Variants in SPANXN4 observed in about 807,000 individuals in gnomAD.
SPANXN4 encodes SPANX family member N4.
In SPANXN4, 5 loss-of-function variants were observed where a neutral mutation model predicts 6.0. The ratio of observed to expected loss-of-function variants is 0.83; its 90% CI spans 0.44 to 1.75. The LOEUF is 1.75. Ranked by LOEUF, SPANXN4 falls within the 40% of genes most tolerant of loss-of-function variation. The probability of loss-of-function intolerance (pLI) is 0.02; values close to 1 mark genes in which losing one functional copy is unlikely to be tolerated. For missense variants in SPANXN4, 157 were observed against 108.6 expected, an observed-to-expected ratio of 1.45 and a Z score of -1.98; for synonymous variants, 45 against 38.0, an observed-to-expected ratio of 1.19 and a Z score of -0.68.
chrX:143,034,534 C>A, exon 3 of SPANXN4: 1 of 1,151,888 alleles, frequency 8.7e-7, no homozygotes, highest in East Asian at 3.3e-5. Flanking sequence ...ATTTGGTGTT[C>A]CTTGGAGCAC....
chrX:143,032,000 G>C (rs73560196), intron 1 of SPANXN4, among the ~76,000 whole-genome samples: 4,421 of 111,851 alleles, frequency 0.04, 237 homozygotes, highest in African/African-American at 0.14. Context: ...ATTGGTGTAA[G>C]TCCTGGGGAC....
chrX:143,031,813 C>T (rs983913090), intron 1 of SPANXN4, among the ~76,000 whole-genome samples: 10 of 111,363 alleles, frequency 9.0e-5, no homozygotes, highest in Non-Finnish European at 1.9e-4. Context: ...TTTTGGATGT[C>T]GGGGGCTGAC....
downstream of SPANXN4, among the ~76,000 whole-genome samples, chrX:143,037,065 C>T (rs183660211): frequency 9.0e-6 from 1 of 111,689 alleles, no homozygotes; most frequent in African/African-American, 3.2e-5. Flanking sequence ...ACCGAATAAA[C>T]ATTCCAAAAT....
exon 1 of SPANXN4, chrX:143,026,069 T>C (rs766930530): frequency 3.3e-6 from 4 of 1,205,722 alleles, no homozygotes; most frequent in African/African-American, 1.8e-5. Context: ...CCCCTGTGAA[T>C]CTAACAAAAG....
At chrX:143,027,073 T>A (rs1475718827) in intron 1 of SPANXN4, among the ~76,000 whole-genome samples, 3 of 111,484 alleles carry the variant, frequency 2.7e-5, no homozygotes, top group Non-Finnish European at 5.7e-5. Context: ...GAGATAAGAG[T>A]TTGTGCCACA....
chrX:143,033,786 G>T (rs1046025145), intron 1 of SPANXN4, among the ~76,000 whole-genome samples: 1 of 111,416 alleles, frequency 9.0e-6, no homozygotes, highest in East Asian at 2.9e-4. Context: ...CACTTTGACC[G>T]AGGTCTGCAT....
In SPANXN4 at chrX:143,034,574, T is replaced by C. The variant is rs767494987; in HGVS notation, c.349T>C (p.Ser117Pro). Reference sequence around the variant, plus strand: ...ATGTTTAGAAGAGCACATAAGAAGATCTGTATTGTATGTAGGTGACAGTGA... The same window carrying C: ...ATGTTTAGAAGAGCACATAAGAAGACCTGTATTGTATGTAGGTGACAGTGA... Residue 117 changes from serine to proline, a missense_variant, in exon 3 of 3, where the codon TCT becomes CCT. Coordinates refer to ENST00000370504, the Ensembl canonical transcript of SPANXN4. 1.0e-4 allele frequency: 120 copies of C among 1,162,104 alleles called. No individual in the cohort carries two copies. The African/African-American group carries it at 1.7e-3, about 16-fold the overall frequency.
downstream of SPANXN4, among the ~76,000 whole-genome samples, chrX:143,037,650 G>A (rs888260952): frequency 8.1e-5 from 9 of 111,216 alleles, no homozygotes; most frequent in East Asian, 2.8e-4. Flanking sequence ...TTCAAATCTC[G>A]TCTTGAATTA....
At chrX:143,032,390 C>T (rs1233363216) in intron 1 of SPANXN4, among the ~76,000 whole-genome samples, 3 of 108,217 alleles carry the variant, frequency 2.8e-5, no homozygotes, top group African/African-American at 6.8e-5. Context: ...TGGTGGAGAA[C>T]GAAGAGGGGA....
chrX:143,037,170 G>A (rs1481995725), downstream of SPANXN4, among the ~76,000 whole-genome samples: 2 of 110,375 alleles, frequency 1.8e-5, no homozygotes, highest in Non-Finnish European at 1.9e-5. Context: ...CTGATGAGGC[G>A]ATTATCATTT....
At chrX:143,034,751 C>G (rs1278369608), downstream of SPANXN4, 4 of 1,074,129 alleles carry the variant, frequency 3.7e-6, no homozygotes, top group South Asian at 1.1e-4. Flanking sequence ...CAGCATGCCA[C>G]ACACAATAAA....
At chrX:143,027,299 T>G (rs1932784074) in intron 1 of SPANXN4, among the ~76,000 whole-genome samples, 1 of 111,536 alleles carries the variant, frequency 9.0e-6, no homozygotes, top group Non-Finnish European at 1.9e-5. Context: ...GAGAGAGAGA[T>G]AAATGGGTTT....
intron 1 of SPANXN4, among the ~76,000 whole-genome samples, chrX:143,029,043 G>C (rs759313955): frequency 9.0e-6 from 1 of 111,339 alleles, no homozygotes; most frequent in Non-Finnish European, 1.9e-5. Context: ...CGGGCAAGTG[G>C]GGTTTGTTCC....
downstream of SPANXN4, among the ~76,000 whole-genome samples, chrX:143,038,554 A>G (rs1267741878): frequency 1.8e-5 from 2 of 111,407 alleles, no homozygotes; most frequent in East Asian, 5.7e-4. Context: ...ATTCTCAAAC[A>G]TATTTTGCTT....
chrX:143,036,395 T>G (rs1932843982), downstream of SPANXN4, among the ~76,000 whole-genome samples: 1 of 111,382 alleles, frequency 9.0e-6, no homozygotes, highest in African/African-American at 3.3e-5. Flanking sequence ...CTCTTTTCCT[T>G]TAGTTCACCA....
At chrX:143,029,931 C>T (rs1347709754) in intron 1 of SPANXN4, among the ~76,000 whole-genome samples, 20 of 111,349 alleles carry the variant, frequency 1.8e-4, no homozygotes, top group Middle Eastern at 8.4e-3. Context: ...GCTTCTGGGG[C>T]GTCGCCGTAT....
At chrX:143,033,983 C>T in intron 1 of SPANXN4, 42 bp from the exon 2 acceptor site, 1 of 1,112,231 alleles carries the variant, frequency 9.0e-7, no homozygotes. Context: ...CCCTCTTCAT[C>T]CAAAATAACA....
chrX:143,036,229 G>A (rs768318605), downstream of SPANXN4, among the ~76,000 whole-genome samples: 29 of 110,193 alleles, frequency 2.6e-4, no homozygotes, highest in Non-Finnish European at 4.5e-4. Context: ...CAATTTCTCT[G>A]CCAAAATCTG....
intron 1 of SPANXN4, among the ~76,000 whole-genome samples, chrX:143,028,279 C>A (rs1279955024): frequency 9.1e-6 from 1 of 110,038 alleles, no homozygotes; most frequent in Non-Finnish European, 1.9e-5. Context: ...CGATTCAGAC[C>A]CAGTCCCCTG....
Sources: allele counts gnomAD v4.1 joint callset (sites outside exome capture counted in the v4.1 genomes callset), GRCh38; gene constraint gnomAD v4.1.1; transcripts MANE v1.5; gene names NCBI Gene and HGNC (gene_info 2026-07-23, HGNC 2026-07-21).